DYNC2I2: variants seen among roughly 807,000 people sequenced by gnomAD.
The protein encoded by DYNC2I2 is dynein 2 intermediate chain 2.
In DYNC2I2, 39 loss-of-function variants were observed where a neutral mutation model predicts 52.0. The observed-to-expected ratio is 0.75, with a 90% CI of 0.58 to 0.98. The LOEUF (loss-of-function observed/expected upper bound fraction) is 0.98, where lower values mean the gene tolerates loss of function less well. Among genes scored for constraint, DYNC2I2 ranks in the 50% least tolerant of loss-of-function variants. DYNC2I2 has a pLI of 0.00. For synonymous variants in DYNC2I2, 359 were observed against 321.1 expected (o/e 1.12, Z -1.26); for missense variants, 743 against 728.4 (o/e 1.02, Z -0.23).
chr9:128,634,997 G>A, intron 6 of DYNC2I2, 76 bp from the exon 7 acceptor site: 4 of 1,588,542 alleles, frequency 2.5e-6, no homozygotes, highest in East Asian at 2.2e-5. Flanking sequence ...CAGAGAACAG[G>A]AGGGGAGATC....
Position 128,636,925 on chromosome 9 carries a change from AGGCACAGGC to A in DYNC2I2, c.529_537del (p.Ala177_Ala179del). Reference sequence around the variant, plus strand: ...TGCCCCGCTGCCACTCACCGGCCGTAGGCACAGGCCACCACAGAGCCAGTGGAGTTCCAG... The same window carrying A: ...TGCCCCGCTGCCACTCACCGGCCGTACACCACAGAGCCAGTGGAGTTCCAG... On this transcript the variant is annotated inframe_deletion, in exon 3 of 9. Coordinates refer to ENST00000372715, the MANE Select transcript of DYNC2I2 (RefSeq NM_052844.4). 1 of 1,611,612 alleles carries A rather than the reference AGGCACAGGC, an allele frequency of 6.2e-7. No individual in the cohort carries two copies. The highest frequency in any genetic ancestry group is 8.5e-7 in the Non-Finnish European group (1 of 1,179,294).
the DYNC2I2 span, among the ~76,000 whole-genome samples, chr9:128,677,217 A>C: frequency 2.5e-3 from 1 of 406 alleles, no homozygotes; most frequent in Non-Finnish European, 0.038. Flanking sequence ...ACTCTGTCTC[A>C]AAAAAAAAAA....
chr9:128,668,201 C>T, the DYNC2I2 span, among the ~76,000 whole-genome samples: 57 of 151,884 alleles, frequency 3.8e-4, no homozygotes, highest in African/African-American at 1.1e-3. Flanking sequence ...CCTTGTGATC[C>T]GCCCGCCTTG....
chr9:128,660,099 A>G (rs115256325), upstream of DYNC2I2, among the ~76,000 whole-genome samples: 2 of 148,224 alleles, frequency 1.3e-5, no homozygotes, highest in East Asian at 2.0e-4. Context: ...ACTCATTATT[A>G]TTATTATTTT....
chr9:128,662,617 T>A, the DYNC2I2 span, among the ~76,000 whole-genome samples: 1 of 151,930 alleles, frequency 6.6e-6, no homozygotes, highest in Non-Finnish European at 1.5e-5. Context: ...TCTCACTCTA[T>A]CCCCCAGGCT....
At chr9:128,679,266 A>G in the DYNC2I2 span, among the ~76,000 whole-genome samples, 2 of 152,024 alleles carry the variant, frequency 1.3e-5, no homozygotes, top group African/African-American at 4.8e-5. Flanking sequence ...TGCCCTTTGT[A>G]AAATCAAGAC....
At chr9:128,664,089 C>G in the DYNC2I2 span, among the ~76,000 whole-genome samples, 1 of 151,626 alleles carries the variant, frequency 6.6e-6, no homozygotes, top group African/African-American at 2.4e-5. Flanking sequence ...TCCCGAATAG[C>G]TGGGATTACA....
intron 1 of DYNC2I2, among the ~76,000 whole-genome samples, chr9:128,645,616 C>CAAAAAAAAAAA (rs59742854): frequency 3.1e-5 from 2 of 63,952 alleles, no homozygotes; most frequent in African/African-American, 1.2e-4. Context: ...GACTCCATCT[C>CAAAAAAAAAAA]AAAAAAAAAA....
the DYNC2I2 span, among the ~76,000 whole-genome samples, chr9:128,674,370 G>A: frequency 2.0e-5 from 3 of 151,888 alleles, no homozygotes; most frequent in Admixed American, 6.6e-5. Context: ...TCCTGACCTC[G>A]TGATCCGCCT....
At chr9:128,677,721 C>T in the DYNC2I2 span, among the ~76,000 whole-genome samples, 1 of 151,232 alleles carries the variant, frequency 6.6e-6, no homozygotes, top group East Asian at 2.0e-4. Context: ...ACAGGAGAAT[C>T]GGTTGAACCC....
chr9:128,648,096 G>A (rs1188391538), intron 1 of DYNC2I2, among the ~76,000 whole-genome samples: 1 of 152,082 alleles, frequency 6.6e-6, no homozygotes, highest in Non-Finnish European at 1.5e-5. Flanking sequence ...CCAAGCCCCA[G>A]ACTTCTCTGA....
At chr9:128,636,578 C>T in intron 3 of DYNC2I2, 140 bp from the exon 4 acceptor site, 1 of 1,023,352 alleles carries the variant, frequency 9.8e-7, no homozygotes, top group Non-Finnish European at 1.4e-6. Flanking sequence ...TGAAGTGGCC[C>T]ACACTCCACT....
At chr9:128,644,611 C>G (rs892118168) in intron 1 of DYNC2I2, among the ~76,000 whole-genome samples, 9 of 152,122 alleles carry the variant, frequency 5.9e-5, no homozygotes, top group Non-Finnish European at 7.4e-5. Context: ...TCTGACCTCA[C>G]GACAGTAAAC....
At chr9:128,674,119 A>T in the DYNC2I2 span, among the ~76,000 whole-genome samples, 5 of 149,268 alleles carry the variant, frequency 3.3e-5, no homozygotes, top group African/African-American at 7.4e-5. Context: ...TCGCTAGCTA[A>T]TTTTTTTTGT....
At chr9:128,642,672 G>A (rs1181524782) in intron 1 of DYNC2I2, among the ~76,000 whole-genome samples, 5 of 150,970 alleles carry the variant, frequency 3.3e-5, no homozygotes, top group East Asian at 3.9e-4. Flanking sequence ...TCGGGAAGGC[G>A]TGAACCTGGG....
chr9:128,672,754 G>T, the DYNC2I2 span, among the ~76,000 whole-genome samples: 2 of 152,170 alleles, frequency 1.3e-5, no homozygotes, highest in East Asian at 3.9e-4. Context: ...TTGGCCGGGC[G>T]CGGTGGCTCA....
At chr9:128,634,439 C>A in intron 7 of DYNC2I2, 56 bp from the exon 8 acceptor site, 1 of 1,519,292 alleles carries the variant, frequency 6.6e-7, no homozygotes, top group Non-Finnish European at 8.8e-7. Context: ...CTGGGTGGTG[C>A]TGGCCCCCAA....
upstream of DYNC2I2, among the ~76,000 whole-genome samples, chr9:128,659,174 G>T (rs1443335882): frequency 6.6e-6 from 1 of 151,746 alleles, no homozygotes; most frequent in Non-Finnish European, 1.5e-5. Flanking sequence ...CACCTAGAAA[G>T]GCCCTTCCTC....
At chr9:128,634,188 C>T (rs748741519) in intron 8 of DYNC2I2, 38 bp downstream of exon 8, 1 of 1,611,230 alleles carries the variant, frequency 6.2e-7, no homozygotes, top group Non-Finnish European at 8.5e-7. Context: ...AGACCACCCA[C>T]CCCTTAAACA....
Sources: allele counts gnomAD v4.1 joint callset (sites outside exome capture counted in the v4.1 genomes callset), GRCh38; gene constraint gnomAD v4.1.1; transcripts MANE v1.5; gene names NCBI Gene and HGNC (gene_info 2026-07-23, HGNC 2026-07-21).